The following HABP4 variants were observed in gnomAD, a reference collection of about 807,000 sequenced individuals.
HABP4 encodes intracellular hyaluronan-binding protein 4.
Under a neutral mutation model 44.1 loss-of-function variants are expected in HABP4, and 32 were observed. The ratio of observed to expected loss-of-function variants is 0.73; its 90% CI spans 0.55 to 0.97. The LOEUF is 0.97. Ranked by LOEUF, HABP4 falls within the 50% of genes least tolerant of loss-of-function variation. The probability of loss-of-function intolerance (pLI) is 0.00; values close to 1 mark genes in which losing one functional copy is unlikely to be tolerated. For missense variants in HABP4, 503 were observed against 561.9 expected, an observed-to-expected ratio of 0.90 and a Z score of 1.06; for synonymous variants, 216 against 218.0, an observed-to-expected ratio of 0.99 and a Z score of 0.08.
Position 96,450,172 on chromosome 9 carries a change from G to C in HABP4, c.-108G>C, listed in dbSNP as rs1587764749. Reference sequence around the variant, plus strand: ...GCCGGTAGGGGCCGGACAGGGTAGGGCCCGGAGGGCGGTGGCGGCGGAGCG... The same window carrying C: ...GCCGGTAGGGGCCGGACAGGGTAGGCCCCGGAGGGCGGTGGCGGCGGAGCG... On this transcript the variant is annotated 5_prime_UTR_variant, in exon 1 of 8. Transcript: ENST00000375249. The surrounding 1 kb of genome is among the most constrained non-coding windows in gnomAD (Gnocchi z 4.8). 4 of 1,132,946 alleles carry C rather than the reference G, an allele frequency of 3.5e-6. No homozygotes were observed. The South Asian group carries it at 1.0e-4, about 29-fold the overall frequency. The allele number at this position is 1,132,946 out of a possible 1,614,324, so 70.2% of individuals were successfully genotyped here.
At chr9:96,454,426 A>G (rs1422798715) in intron 1 of HABP4, among the ~76,000 whole-genome samples, 1 of 148,102 alleles carries the variant, frequency 6.8e-6, no homozygotes, top group Non-Finnish European at 1.5e-5. Context: ...TACATTTTGA[A>G]TGCCTTTTCC....
chr9:96,486,023 T>A (rs1256255390), intron 6 of HABP4, among the ~76,000 whole-genome samples: 1 of 152,006 alleles, frequency 6.6e-6, no homozygotes, highest in Non-Finnish European at 1.5e-5. Context: ...TGAAACCCTG[T>A]CTCTACTAAA....
At chr9:96,471,771 G>A (rs543270069) in intron 5 of HABP4, among the ~76,000 whole-genome samples, 2 of 151,978 alleles carry the variant, frequency 1.3e-5, no homozygotes, top group Admixed American at 1.3e-4. Flanking sequence ...TCCGTCTCCA[G>A]CACCCTTCCA....
chr9:96,453,864 C>G (rs1047636861), intron 1 of HABP4, among the ~76,000 whole-genome samples: 4 of 152,134 alleles, frequency 2.6e-5, no homozygotes, highest in East Asian at 1.9e-4. Context: ...GTGTTGATCT[C>G]TTAGTACTAA....
chr9:96,481,764 G>A (rs1832883597), intron 5 of HABP4, among the ~76,000 whole-genome samples: 1 of 151,972 alleles, frequency 6.6e-6, no homozygotes, highest in African/African-American at 2.4e-5. Flanking sequence ...AAATAAATGA[G>A]TAAACGACTG....
rs990952054 is a variant in HABP4, at chr9:96,465,249, T to C, written c.513-88T>C. On this transcript the variant is annotated intron_variant, in intron 2 of 7. Coordinates refer to ENST00000375249, the MANE Select transcript of HABP4 (RefSeq NM_014282.4). ...CAAGCCACCATTCTTTCCAGTATACTATAACCATGATTTTCTTTTAGAATT... is the reference window on the plus strand; with the variant it reads ...CAAGCCACCATTCTTTCCAGTATACCATAACCATGATTTTCTTTTAGAATT... 6.1e-6 allele frequency: 5 copies of C among 816,084 alleles called. No individual in the cohort carries two copies. In the African/African-American group the frequency reaches 8.6e-5, roughly 14 times the overall value. The allele number at this position is 816,084 out of a possible 1,614,324, so 50.6% of individuals were successfully genotyped here.
intron 5 of HABP4, among the ~76,000 whole-genome samples, chr9:96,473,318 A>C (rs1453416104): frequency 6.6e-6 from 1 of 151,954 alleles, no homozygotes; most frequent in Non-Finnish European, 1.5e-5. Context: ...TTTCCATCCA[A>C]CTGTACAAAC....
intron 1 of HABP4, chr9:96,451,502 G>C (rs959417382): frequency 3.1e-6 from 3 of 982,232 alleles, no homozygotes; most frequent in Non-Finnish European, 3.6e-6. Flanking sequence ...AGAGTGTTAG[G>C]ATTAAGATGT....
At chr9:96,455,922 G>A (rs1347703040) in intron 1 of HABP4, among the ~76,000 whole-genome samples, 1 of 152,064 alleles carries the variant, frequency 6.6e-6, no homozygotes, top group Non-Finnish European at 1.5e-5. Flanking sequence ...CGGTATGGTG[G>A]CACATGTCTG....
intron 4 of HABP4, among the ~76,000 whole-genome samples, chr9:96,467,674 C>T (rs1164427771): frequency 5.3e-5 from 8 of 151,866 alleles, no homozygotes; most frequent in South Asian, 2.1e-4. Context: ...TACAGGTGCC[C>T]GCCACCACGC....
Position 96,450,912 on chromosome 9 carries a change from G to T in HABP4, c.349+284G>T, listed in dbSNP as rs1429673252. On this transcript the variant is annotated intron_variant, in intron 1 of 7. Transcript: ENST00000375249. The surrounding 1 kb of genome is among the most constrained non-coding windows in gnomAD (Gnocchi z 4.8). The stretch of plus-strand genomic sequence containing the variant: ...GGACGAAGTTGAGGGAGGTTGTCTG[G>T]GTGGCGTGTGGGGGCGAACGGCTGA... 6.6e-6 allele frequency among the ~76,000 whole-genome samples: 1 copy of T among 152,210 alleles called. No homozygotes were observed. The highest frequency in any genetic ancestry group is 2.4e-5 in the African/African-American group (1 of 41,454).
chr9:96,474,055 C>T (rs1279851178), intron 5 of HABP4, among the ~76,000 whole-genome samples: 1 of 152,126 alleles, frequency 6.6e-6, no homozygotes, highest in South Asian at 2.1e-4. Context: ...TATCTGTGTC[C>T]TAGAGTGGTG....
chr9:96,489,964 A>G lies in HABP4; in HGVS notation c.1186-18A>G, dbSNP rs1564171779. 3.3e-6 allele frequency: 5 copies of G among 1,501,810 alleles called. No homozygotes were observed. Among genetic ancestry groups the G allele is most frequent in the Non-Finnish European group, 4.6e-6 (5 of 1,077,604 alleles). 93.0% of individuals were successfully genotyped at this position (1,501,810 alleles called of 1,614,324 possible). A position where few individuals can be genotyped will look rare whatever the true frequency, so the allele number is the denominator to read the frequency against. On this transcript the variant is annotated intron_variant, in intron 7 of 7. Coordinates refer to ENST00000375249, the MANE Select transcript of HABP4 (RefSeq NM_014282.4). ...ATGAAGGGGCAGTGGATTTCAAAGTATTTCTTTTTTTCTTTAGATGCAAGA... is the reference window on the plus strand; with the variant it reads ...ATGAAGGGGCAGTGGATTTCAAAGTGTTTCTTTTTTTCTTTAGATGCAAGA...
chr9:96,462,279 A>G (rs1040012504), intron 2 of HABP4, among the ~76,000 whole-genome samples: 1 of 151,496 alleles, frequency 6.6e-6, no homozygotes, highest in African/African-American at 2.4e-5. Flanking sequence ...TGGTGAAACC[A>G]CATCTCTACT....
Position 96,462,262 on chromosome 9 carries a change from G to A in HABP4, c.513-3075G>A, listed in dbSNP as rs573944604. 4.6e-5 allele frequency among the ~76,000 whole-genome samples: 7 copies of A among 152,104 alleles called. No homozygotes were observed. In the South Asian group the frequency reaches 1.5e-3, roughly 32 times the overall value. ...AGCTCAGGAATTCGATTCCAGCCTG[G>A]CCAACGTGGTGAAACCACATCTCTA... On this transcript the variant is annotated intron_variant, in intron 2 of 7. Transcript: ENST00000375249.
intron 1 of HABP4, among the ~76,000 whole-genome samples, chr9:96,456,539 T>C (rs1166119945): frequency 6.6e-6 from 1 of 150,984 alleles, no homozygotes; most frequent in African/African-American, 2.4e-5. Flanking sequence ...GGTGAGCAGA[T>C]CACGAGGTCA....
intron 1 of HABP4, among the ~76,000 whole-genome samples, chr9:96,458,000 G>A (rs1254027538): frequency 2.0e-5 from 3 of 152,092 alleles, no homozygotes; most frequent in African/African-American, 7.2e-5. Flanking sequence ...TGAAATATAG[G>A]GTATTCTTTC....
At chr9:96,451,398 C>T (rs2131105909) in intron 1 of HABP4, 1 of 815,442 alleles carries the variant, frequency 1.2e-6, no homozygotes, top group African/African-American at 1.8e-5. Flanking sequence ...CTTCAGAGTT[C>T]ATTCTCTCAC....
intron 6 of HABP4, among the ~76,000 whole-genome samples, chr9:96,485,855 A>G (rs1419359138): frequency 6.6e-6 from 1 of 152,126 alleles, no homozygotes; most frequent in East Asian, 1.9e-4. Flanking sequence ...AATCTCAGGA[A>G]TGTTATGCTA....
Sources: gnomAD v4.1 joint callset for allele counts (sites outside exome capture counted in the v4.1 genomes callset) on GRCh38, gnomAD v4.1.1 for gene constraint, Gnocchi (gnomAD v3.1) non-coding constraint, MANE v1.5 for transcripts, NCBI Gene and HGNC (gene_info 2026-07-23, HGNC 2026-07-21) for gene names.